The following DPP6 variants were observed in gnomAD, a reference collection of about 807,000 sequenced individuals.
DPP6 encodes the protein A-type potassium channel modulatory protein DPP6.
A neutral mutation model predicts 122.6 loss-of-function variants in DPP6; 69 were observed. That is an observed-to-expected ratio of 0.56 (90% CI 0.46 to 0.69). The LOEUF is 0.69. Ranked by LOEUF, DPP6 falls within the 30% of genes least tolerant of loss-of-function variation. DPP6 has a pLI of 0.00. For synonymous variants in DPP6, 418 were observed against 433.1 expected, an observed-to-expected ratio of 0.97 and a Z score of 0.43; for missense variants, 928 against 1,116.9, an observed-to-expected ratio of 0.83 and a Z score of 2.41.
In DPP6 at chr7:154,892,800, C is replaced by G. The variant is rs1486462464; in HGVS notation, c.*320C>G. 1.7e-6 allele frequency: 1 copy of G among 582,536 alleles called. No homozygotes were observed. Among genetic ancestry groups the G allele is most frequent in the Admixed American group, 1.9e-5 (1 of 53,148 alleles). 36.1% of individuals were successfully genotyped at this position (582,536 alleles called of 1,614,324 possible). Reference sequence around the variant, plus strand: ...ATGGTGGCCGCAGGCCCCACGCGAGCCCACAGGACACCGGCCCCTAGATTC... The same window carrying G: ...ATGGTGGCCGCAGGCCCCACGCGAGGCCACAGGACACCGGCCCCTAGATTC... On this transcript the variant is annotated 3_prime_UTR_variant, in exon 26 of 26. Coordinates refer to ENST00000377770, the MANE Select transcript of DPP6 (RefSeq NM_130797.4).
At chr7:154,595,190 C>T (rs931134157) in intron 5 of DPP6, among the ~76,000 whole-genome samples, 8 of 152,234 alleles carry the variant, frequency 5.3e-5, no homozygotes, top group Non-Finnish European at 1.0e-4. Flanking sequence ...CTCCATCTTC[C>T]CCTTCTCCGT....
chr7:154,703,445 C>T (rs1289311421), intron 7 of DPP6, among the ~76,000 whole-genome samples: 1 of 151,922 alleles, frequency 6.6e-6, no homozygotes, highest in Non-Finnish European at 1.5e-5. Flanking sequence ...ATGGCAAAAC[C>T]CCATCTCTAC....
At chr7:154,654,130 C>T (rs894336120) in intron 6 of DPP6, among the ~76,000 whole-genome samples, 8 of 151,988 alleles carry the variant, frequency 5.3e-5, no homozygotes, top group South Asian at 4.2e-4. Context: ...TTAAAGGATA[C>T]GGGAGGATGT....
chr7:154,183,380 C>T lies in DPP6; in HGVS notation c.243+130317C>T, dbSNP rs556633596. 6.6e-5 allele frequency among the ~76,000 whole-genome samples: 10 copies of T among 152,108 alleles called. No homozygotes were observed. The East Asian group carries it at 1.2e-3, about 18-fold the overall frequency. On this transcript the variant is annotated intron_variant, in intron 1 of 25. Coordinates refer to ENST00000377770, the MANE Select transcript of DPP6 (RefSeq NM_130797.4). ...TCATTACAATGAAAAACAGAAGGTG[C>T]CTGGGTGAGTTGAAGTAATTGTTTA...
chr7:153,921,214 C>T (rs1800622312), intron 1 of DPP6, among the ~76,000 whole-genome samples: 1 of 152,210 alleles, frequency 6.6e-6, no homozygotes, highest in Non-Finnish European at 1.5e-5. Flanking sequence ...GAAGAAGACA[C>T]AGAGCAGGGT....
chr7:154,392,192 G>A (rs1402289733), intron 1 of DPP6, among the ~76,000 whole-genome samples: 1 of 152,134 alleles, frequency 6.6e-6, no homozygotes, highest in African/African-American at 2.4e-5. Context: ...AGAATCGCTT[G>A]AACCTGGGAG....
chr7:154,675,771 C>G (rs1838859934), intron 7 of DPP6, among the ~76,000 whole-genome samples: 1 of 152,224 alleles, frequency 6.6e-6, no homozygotes, highest in Non-Finnish European at 1.5e-5. Flanking sequence ...TTGCCCTGCT[C>G]TGGCACGGTC....
intron 1 of DPP6, among the ~76,000 whole-genome samples, chr7:154,236,061 C>G (rs1801195033): frequency 6.6e-6 from 1 of 152,098 alleles, no homozygotes; most frequent in Non-Finnish European, 1.5e-5. Context: ...CCATGTTGGC[C>G]AGGCTGGTCT....
rs1456226908 is a variant in DPP6, at chr7:154,063,240, C to A, written c.243+10177C>A. ...CCGCGAGGCAGGGACTGAGAGCCAG[C>A]CCCTATTCCCCCACTGGCTCTTAGG... is the stretch of plus-strand genomic sequence containing the variant. On this transcript the variant is annotated intron_variant, in intron 1 of 25. Transcript: ENST00000377770. Among the ~76,000 whole-genome samples the A allele has an allele frequency of 7.1e-4, 91 of 127,884 alleles. 10 individuals are homozygous for A. Among genetic ancestry groups the A allele is most frequent in the African/African-American group, 2.1e-3 (74 of 34,672 alleles). 83.9% of individuals were successfully genotyped at this position (127,884 alleles called of 152,430 possible).
At position 154,325,198 on chromosome 7, in the gene DPP6, C is replaced by G. The variant is rs1482491635; in HGVS notation, c.244-121016C>G. 2.0e-5 allele frequency among the ~76,000 whole-genome samples: 3 copies of G among 152,200 alleles called. No individual in the cohort carries two copies. The East Asian group carries it at 5.8e-4, about 29-fold the overall frequency. ...CTCCATTTTCTATAGGAAATGAAAG[C>G]TTAGTGAGAGAAGGTGCCCAGACCC... On this transcript the variant is annotated intron_variant, in intron 1 of 25. Transcript: ENST00000377770.
intron 13 of DPP6, among the ~76,000 whole-genome samples, chr7:154,802,270 T>C (rs1798416425): frequency 6.6e-6 from 1 of 152,150 alleles, no homozygotes; most frequent in South Asian, 2.1e-4. Context: ...CTCATATTTA[T>C]GATGAGGCCT....
chr7:154,855,831 T>C (rs1026422156), intron 17 of DPP6, among the ~76,000 whole-genome samples: 3 of 152,250 alleles, frequency 2.0e-5, no homozygotes, highest in African/African-American at 4.8e-5. Context: ...ATCTTTTTTT[T>C]CCTTAAGCAA....
At chr7:154,085,646 A>G (rs1278372618) in intron 1 of DPP6, among the ~76,000 whole-genome samples, 1 of 152,196 alleles carries the variant, frequency 6.6e-6, no homozygotes, top group Non-Finnish European at 1.5e-5. Flanking sequence ...TTATGTCATA[A>G]AAAACTGAGA....
intron 6 of DPP6, among the ~76,000 whole-genome samples, chr7:154,650,706 T>G (rs995968750): frequency 1.3e-5 from 2 of 152,120 alleles, no homozygotes; most frequent in Non-Finnish European, 2.9e-5. Context: ...AGTGCTGACA[T>G]GCAGCCTGCC....
intron 1 of DPP6, among the ~76,000 whole-genome samples, chr7:154,361,448 G>A (rs1015273174): frequency 4.6e-5 from 7 of 152,124 alleles, no homozygotes; most frequent in African/African-American, 1.4e-4. Context: ...TGAAACCACG[G>A]TCTTTTGTTT....
At position 154,761,676 on chromosome 7, in the gene DPP6, G is replaced by A. The variant is rs568557432; in HGVS notation, c.884-7741G>A. 2.6e-5 allele frequency among the ~76,000 whole-genome samples: 4 copies of A among 151,952 alleles called. No homozygotes were observed. In the South Asian group the frequency reaches 8.4e-4, roughly 32 times the overall value. On this transcript the variant is annotated intron_variant, in intron 8 of 25. Coordinates refer to ENST00000377770, the MANE Select transcript of DPP6 (RefSeq NM_130797.4). ...GCAGGAGTGAGAGGGAGTGAGTAGGGGTGAGGGAGGCACCACACTTTTTTT... is the reference window on the plus strand; with the variant it reads ...GCAGGAGTGAGAGGGAGTGAGTAGGAGTGAGGGAGGCACCACACTTTTTTT...
At chr7:154,064,696 G>C (rs1563162296) in intron 1 of DPP6, among the ~76,000 whole-genome samples, 1 of 152,178 alleles carries the variant, frequency 6.6e-6, no homozygotes, top group Non-Finnish European at 1.5e-5. Context: ...AGCAAAGGTA[G>C]TTTCTGCTCT....
intron 1 of DPP6, among the ~76,000 whole-genome samples, chr7:154,109,400 C>G (rs910761568): frequency 2.2e-4 from 34 of 152,114 alleles, no homozygotes; most frequent in African/African-American, 8.0e-4. Flanking sequence ...AAGTGATTTT[C>G]CTGTCTCAGC....
intron 1 of DPP6, among the ~76,000 whole-genome samples, chr7:154,386,918 C>T (rs1814163265): frequency 7.1e-6 from 1 of 140,130 alleles, no homozygotes; most frequent in Non-Finnish European, 1.5e-5. Context: ...TAGTAAATGG[C>T]AAAGCAGAGG....
Sources: allele counts gnomAD v4.1 joint callset (sites outside exome capture counted in the v4.1 genomes callset), GRCh38; gene constraint gnomAD v4.1.1; transcripts MANE v1.5; gene names NCBI Gene and HGNC (gene_info 2026-07-23, HGNC 2026-07-21).